Variants in SULF1 observed in about 807,000 individuals in gnomAD.
SULF1 encodes sulfatase 1.
A neutral mutation model predicts 110.5 loss-of-function variants in SULF1; 46 were observed. That is an observed-to-expected ratio of 0.42 (90% confidence interval 0.33 to 0.53). The LOEUF is 0.53. SULF1 is among the 20% of genes least tolerant of loss of function. The pLI is 0.12. For missense variants in SULF1, 941 were observed against 1,094.2 expected, an observed-to-expected ratio of 0.86 and a Z score of 1.98; for synonymous variants, 371 against 387.1, an observed-to-expected ratio of 0.96 and a Z score of 0.49.
chr8:69,516,156 ATTAG>A (rs905783351), intron 3 of SULF1, among the ~76,000 whole-genome samples: 1 of 152,198 alleles, frequency 6.6e-6, no homozygotes, highest in Non-Finnish European at 1.5e-5. Flanking sequence ...AATTTTCTTT[ATTAG>A]TTCATTCTCA....
At chr8:69,494,974 A>C (rs1296050948) in intron 1 of SULF1, among the ~76,000 whole-genome samples, 1 of 152,134 alleles carries the variant, frequency 6.6e-6, no homozygotes, top group East Asian at 1.9e-4. Flanking sequence ...AATAGGGCGC[A>C]GATTCCAGAA....
At chr8:69,507,392 T>C (rs1157781165) in intron 3 of SULF1, among the ~76,000 whole-genome samples, 1 of 152,222 alleles carries the variant, frequency 6.6e-6, no homozygotes, top group African/African-American at 2.4e-5. Flanking sequence ...TATGTTGATC[T>C]TGAGTCCTTA....
chr8:69,469,798 T>A (rs1186539457), intron 1 of SULF1, among the ~76,000 whole-genome samples: 1 of 152,228 alleles, frequency 6.6e-6, no homozygotes, highest in Admixed American at 6.5e-5. Flanking sequence ...TCCCAACATT[T>A]TGGGAGGCCG....
intron 3 of SULF1, among the ~76,000 whole-genome samples, chr8:69,503,667 G>T (rs1301482789): frequency 6.6e-6 from 1 of 152,156 alleles, no homozygotes; most frequent in Admixed American, 6.5e-5. Flanking sequence ...ATTAACCGTA[G>T]AAGAGACTGG....
intron 13 of SULF1, among the ~76,000 whole-genome samples, chr8:69,611,720 G>T (rs1364008947): frequency 6.6e-6 from 1 of 152,186 alleles, no homozygotes; most frequent in Non-Finnish European, 1.5e-5. Context: ...CAGAGAACAT[G>T]ATTTGACCTG....
intron 5 of SULF1, among the ~76,000 whole-genome samples, chr8:69,574,668 G>C (rs112854654): frequency 1.3e-5 from 2 of 152,160 alleles, no homozygotes; most frequent in Non-Finnish European, 2.9e-5. Context: ...AGATCAGCCC[G>C]GAATGCTGAG....
chr8:69,544,233 C>A (rs1275382181), intron 3 of SULF1, among the ~76,000 whole-genome samples: 1 of 151,866 alleles, frequency 6.6e-6, no homozygotes, highest in African/African-American at 2.4e-5. Flanking sequence ...ATAACTGAGA[C>A]ATTTATACAA....
intron 2 of SULF1, among the ~76,000 whole-genome samples, chr8:69,501,425 C>G (rs537040939): frequency 3.9e-5 from 6 of 152,188 alleles, no homozygotes; most frequent in Non-Finnish European, 8.8e-5. Context: ...CTTGGAAATG[C>G]TTACTTTGCT....
chr8:69,533,444 C>G lies in SULF1; in HGVS notation c.-133-30095C>G, dbSNP rs575086704. On this transcript the variant is annotated intron_variant, in intron 3 of 22. Transcript: ENST00000402687. ...GTGGGCCCTGGTGTGTGTTGTTCCC[C>G]TTCCTGTGTCCACGTGTTCTCATTG... is the stretch of plus-strand genomic sequence containing the variant. Among the ~76,000 whole-genome samples the G allele has an allele frequency of 5.3e-5, 8 of 152,226 alleles. No homozygotes were observed. The South Asian group carries it at 1.7e-3, about 32-fold the overall frequency.
intron 3 of SULF1, among the ~76,000 whole-genome samples, chr8:69,553,963 G>A (rs2150698639): frequency 6.6e-6 from 1 of 152,126 alleles, no homozygotes; most frequent in South Asian, 2.1e-4. Flanking sequence ...CCTCCTTTTT[G>A]CAGCACACAT....
At chr8:69,483,661 C>T (rs1314206360) in intron 1 of SULF1, among the ~76,000 whole-genome samples, 3 of 152,144 alleles carry the variant, frequency 2.0e-5, no homozygotes, top group Non-Finnish European at 4.4e-5. Flanking sequence ...GCTCACACCT[C>T]ACCTGTAGTC....
intron 5 of SULF1, among the ~76,000 whole-genome samples, chr8:69,574,116 A>G (rs1194724151): frequency 6.6e-6 from 1 of 152,178 alleles, no homozygotes; most frequent in Non-Finnish European, 1.5e-5. Context: ...GGGGATTGCA[A>G]TCCACTGCAG....
intron 2 of SULF1, among the ~76,000 whole-genome samples, chr8:69,496,845 G>C (rs1258696500): frequency 6.6e-6 from 1 of 152,236 alleles, no homozygotes; most frequent in African/African-American, 2.4e-5. Flanking sequence ...CAGCTGTGAA[G>C]TTCCCCAGAC....
Position 69,627,911 on chromosome 8 carries a change from G to A in SULF1, c.2042+45G>A, listed in dbSNP as rs3802274. 1.2e-3 allele frequency: 1,715 copies of A among 1,456,554 alleles called. 28 individuals are homozygous for A. The East Asian group carries it at 0.023, about 19-fold the overall frequency. The allele number at this position is 1,456,554 out of a possible 1,614,324, so 90.2% of individuals were successfully genotyped here. On this transcript the variant is annotated intron_variant, in intron 17 of 22. Coordinates refer to ENST00000402687, the MANE Select transcript of SULF1 (RefSeq NM_001128205.2). ...TGCTCCACTTTCCAAATTCATTTCC[G>A]CACAAGCCAGAGGCATTAGCACTGG...
chr8:69,601,586 G>A (rs752037), intron 9 of SULF1, 68 bp from the exon 10 acceptor site: 37,587 of 1,324,498 alleles, frequency 0.028, 650 homozygotes, highest in African/African-American at 0.061. Flanking sequence ...GGCAATCGTG[G>A]CAACACTATT....
intron 7 of SULF1, among the ~76,000 whole-genome samples, chr8:69,587,380 G>A (rs114472978): frequency 0.018 from 2,720 of 152,242 alleles, 80 homozygotes; most frequent in African/African-American, 0.06. Context: ...TTGATTTAAT[G>A]TTGGCATATT....
chr8:69,493,443 A>ACTAC (rs1491406318), intron 1 of SULF1, among the ~76,000 whole-genome samples: 2 of 139,198 alleles, frequency 1.4e-5, no homozygotes, highest in South Asian at 2.3e-4. Flanking sequence ...ACACACACAC[A>ACTAC]ACACTACACA....
chr8:69,490,750 A>G (rs73683920), upstream of SULF1, among the ~76,000 whole-genome samples: 2,408 of 152,128 alleles, frequency 0.016, 54 homozygotes, highest in African/African-American at 0.055. Flanking sequence ...TAGTTCTGTC[A>G]CTTTCTAAGC....
At chr8:69,494,248 T>G (rs1305570586) in intron 1 of SULF1, among the ~76,000 whole-genome samples, 1 of 152,230 alleles carries the variant, frequency 6.6e-6, no homozygotes, top group Non-Finnish European at 1.5e-5. Context: ...ATGTATAGTA[T>G]GTATGTATAT....
Sources: gnomAD v4.1 joint callset for allele counts (sites outside exome capture counted in the v4.1 genomes callset) on GRCh38, gnomAD v4.1.1 for gene constraint, MANE v1.5 for transcripts, NCBI Gene and HGNC (gene_info 2026-07-23, HGNC 2026-07-21) for gene names.